The following ZNFX1 variants were observed in gnomAD, a reference collection of about 807,000 sequenced individuals.
ZNFX1 encodes zinc finger NFX1-type containing 1.
Under a neutral mutation model 179.8 loss-of-function variants are expected in ZNFX1, and 78 were observed. The ratio of observed to expected loss-of-function variants is 0.43; its 90% CI spans 0.36 to 0.52. The LOEUF is 0.52. Among genes scored for constraint, ZNFX1 ranks in the 20% least tolerant of loss-of-function variants. The pLI, the probability that ZNFX1 is intolerant of heterozygous loss-of-function variation, is 0.00. For missense variants in ZNFX1, 1,927 were observed against 2,386.6 expected, an observed-to-expected ratio of 0.81 and a Z score of 4.01; for synonymous variants, 848 against 868.5, an observed-to-expected ratio of 0.98 and a Z score of 0.42.
chr20:49,271,230 A>G lies in ZNFX1; in HGVS notation c.582T>C (p.Ala194=). ...TCTGGCGATCCATTTTGGAGCTACA[A>G]GCCTTCCGAAGAACCTGACAGATGA... ...LELICQVLRK[A]CSSKMDRQSV... Residue 194 remains alanine, a synonymous_variant, in exon 3 of 14, where the codon GCT becomes GCC. Transcript: ENST00000396105. 6.2e-7 allele frequency: 1 copy of G among 1,614,196 alleles called. No individual in the cohort carries two copies. Among genetic ancestry groups the G allele is most frequent in the South Asian group, 1.1e-5 (1 of 91,084 alleles).
In ZNFX1 at chr20:49,264,789, G is replaced by A; in HGVS notation, c.2078C>T (p.Thr693Ile). The change falls in exon 5 of 14, where the codon ACC becomes ATC. Residue 693 changes from threonine (T) to isoleucine (I), a missense_variant. Thr to Ile is a moderately conservative substitution (Grantham distance 89). Coordinates refer to ENST00000396105, the MANE Select transcript of ZNFX1 (RefSeq NM_021035.3). ...RSNSEILKQFTLRELRNKREF... is the reference protein window; with the variant it reads ...RSNSEILKQFILRELRNKREF... ...CCGCTTGTTCCTCAGCTCCCTTAGG[G>A]TGAACTGCTTCAGGATTTCACTGTT... is the stretch of plus-strand genomic sequence containing the variant. 1 of 1,614,216 alleles carries A rather than the reference G, an allele frequency of 6.2e-7. No individual in the cohort carries two copies. Among genetic ancestry groups the A allele is most frequent in the Non-Finnish European group, 8.5e-7 (1 of 1,180,030 alleles).
At chr20:49,257,352 A>T in intron 8 of ZNFX1, 65 bp downstream of exon 8, 3 of 1,595,158 alleles carry the variant, frequency 1.9e-6, no homozygotes, top group Non-Finnish European at 2.6e-6. Context: ...ACTGTATCAG[A>T]AGTGGGGGAA....
At position 49,257,565 on chromosome 20, in the gene ZNFX1, T is replaced by C; in HGVS notation, c.2516A>G (p.Glu839Gly). The change falls in exon 8 of 14, where the codon GAG (glutamate) becomes GGG (glycine). Residue 839 changes from glutamate (E) to glycine (G), a missense_variant. Glu to Gly is a moderately conservative substitution (Grantham distance 98, BLOSUM62 -2). Transcript: ENST00000396105. ...ADLIQADRVI[E>G]EEEVVRPQRR... is the part of the protein sequence containing the mutation. ...CTGGGGCCTCACCACCTCTTCCTCC[T>C]CAATCACCCGGTCTGCTTGAATCAG... is the stretch of plus-strand genomic sequence containing the variant. 2 of 1,613,930 alleles carry C rather than the reference T, an allele frequency of 1.2e-6. No homozygotes were observed. The highest frequency in any genetic ancestry group is 1.7e-6 in the Non-Finnish European group (2 of 1,180,018).
At chr20:49,275,750 C>G in intron 2 of ZNFX1, 29 bp downstream of exon 2, 1 of 1,611,150 alleles carries the variant, frequency 6.2e-7, no homozygotes, top group Non-Finnish European at 8.5e-7. Context: ...CTAGAATTTC[C>G]TTCTCATTAG....
chr20:49,270,839 C>T lies in ZNFX1; in HGVS notation c.973G>A (p.Glu325Lys), dbSNP rs1190926265. 6 of 1,614,064 alleles carry T rather than the reference C, an allele frequency of 3.7e-6. No homozygotes were observed. The highest frequency in any genetic ancestry group is 1.3e-5 in the African/African-American group (1 of 74,928). Residue 325 changes from glutamate (E) to lysine (K), a missense_variant, in exon 3 of 14, where the codon GAG becomes AAG. By Grantham distance (56) the Glu-to-Lys change is moderately conservative (BLOSUM62 1). Coordinates refer to ENST00000396105, the MANE Select transcript of ZNFX1 (RefSeq NM_021035.3). The surrounding 1 kb of genome is among the most constrained non-coding windows in gnomAD (Gnocchi z 4.6). ...TAGCTCTCAACATGGTCTTCTGCCT[C>T]AGGCTGCACTAGAGTGTAGGTATCC... Reference protein sequence around the residue: ...RVDTYTLVQPEAEDHVESYRT... With the variant: ...RVDTYTLVQPKAEDHVESYRT...
chr20:49,268,057 A>C (rs1357780691), intron 3 of ZNFX1, among the ~76,000 whole-genome samples: 1 of 151,862 alleles, frequency 6.6e-6, no homozygotes, highest in Non-Finnish European at 1.5e-5. Flanking sequence ...TATATTTTTT[A>C]GTAGAGACAG....
intron 6 of ZNFX1, among the ~76,000 whole-genome samples, chr20:49,262,694 C>A (rs1981143594): frequency 6.6e-6 from 1 of 152,234 alleles, no homozygotes; most frequent in African/African-American, 2.4e-5. Flanking sequence ...TACCATTTCA[C>A]TGGGTTCCTA....
At position 49,247,246 on chromosome 20, in the gene ZNFX1, A is replaced by C. The variant is rs779859215; in HGVS notation, c.*21T>G. On this transcript the variant is annotated 3_prime_UTR_variant, in exon 14 of 14. Transcript: ENST00000396105. ...CCAGTCATTCAGTGGCGAGGGCAAA[A>C]GGCAGTGGTGTACCATCTTCCTACA... 3.2e-6 allele frequency: 5 copies of C among 1,576,692 alleles called. No homozygotes were observed. In the South Asian group the frequency reaches 5.9e-5, roughly 19 times the overall value.
In ZNFX1 at chr20:49,263,402, G is replaced by A. The variant is rs930353879; in HGVS notation, c.2233C>T (p.Arg745Trp). Residue 745 changes from arginine to tryptophan, a missense_variant, in exon 6 of 14, where the codon CGG becomes TGG. Arg to Trp is a moderately radical substitution (Grantham distance 101). Coordinates refer to ENST00000396105, the MANE Select transcript of ZNFX1 (RefSeq NM_021035.3). ...TLECTMRGVLREQYLQKYISP... is the reference protein window; with the variant it reads ...TLECTMRGVLWEQYLQKYISP... ...ATGTACTTCTGCAGGTACTGTTCCC[G>A]TAGGACACCACGCATGGTGCACTCC... 11 of 1,613,666 alleles carry A rather than the reference G, an allele frequency of 6.8e-6. No homozygotes were observed. Among genetic ancestry groups the A allele is most frequent in the East Asian group, 2.2e-5 (1 of 44,870 alleles).
Position 49,263,415 on chromosome 20 carries a change from C to A in ZNFX1, c.2220G>T (p.Met740Ile). The A allele has an allele frequency of 2.5e-6, 4 of 1,613,184 alleles. No homozygotes were observed. Among genetic ancestry groups the A allele is most frequent in the Non-Finnish European group, 3.4e-6 (4 of 1,179,592 alleles). ...HEGAKTLECT[M>I]RGVLREQYLQ... Reference sequence around the variant, plus strand: ...GGTACTGTTCCCGTAGGACACCACGCATGGTGCACTCCAGGGTCTTGGCTC... The same window carrying A: ...GGTACTGTTCCCGTAGGACACCACGAATGGTGCACTCCAGGGTCTTGGCTC... Residue 740 changes from methionine to isoleucine, a missense_variant, in exon 6 of 14, where the codon ATG (methionine) becomes ATT (isoleucine). Met to Ile is a conservative substitution (Grantham distance 10, BLOSUM62 1). Transcript: ENST00000396105.
At position 49,251,547 on chromosome 20, in the gene ZNFX1, G is replaced by T. The variant is rs561513322; in HGVS notation, c.3292C>A (p.Leu1098Ile). ...YQDLENHPSV[L>I]KYEKIKGVSS... ...CTCACCTTAATCTTCTCATACTTAAGAACAGATGGATGATTCTCCAGATCC... is the reference window on the plus strand; with the variant it reads ...CTCACCTTAATCTTCTCATACTTAATAACAGATGGATGATTCTCCAGATCC... Residue 1098 changes from leucine (L) to isoleucine (I), a missense_variant, in exon 13 of 14, where the codon CTT becomes ATT. Leu to Ile is a conservative substitution (Grantham distance 5, BLOSUM62 2). Coordinates refer to ENST00000396105, the MANE Select transcript of ZNFX1 (RefSeq NM_021035.3). The T allele has an allele frequency of 8.0e-5, 129 of 1,612,710 alleles. 1 individual carries two copies. In the South Asian group the frequency reaches 1.4e-3, roughly 17 times the overall value.
intron 6 of ZNFX1, 123 bp from the exon 7 acceptor site, chr20:49,260,700 G>C: frequency 1.6e-6 from 1 of 644,934 alleles, no homozygotes; most frequent in South Asian, 2.2e-5. Flanking sequence ...CCAGCAATTT[G>C]GAAGGCCAAG....
intron 2 of ZNFX1, among the ~76,000 whole-genome samples, chr20:49,273,008 T>TA (rs11481007): frequency 0.67 from 101,737 of 152,088 alleles, 34,991 homozygotes; most frequent in Non-Finnish European, 0.76. Flanking sequence ...AATGATTTGA[T>TA]AAAAAAGTTG....
intron 13 of ZNFX1, among the ~76,000 whole-genome samples, chr20:49,250,343 A>G (rs190220): frequency 0.68 from 103,607 of 152,082 alleles, 36,285 homozygotes; most frequent in Non-Finnish European, 0.78. Context: ...GGATGATGAT[A>G]ATGACAGAGC....
intron 12 of ZNFX1, among the ~76,000 whole-genome samples, chr20:49,252,080 G>A (rs1039528773): frequency 3.3e-5 from 5 of 151,594 alleles, no homozygotes; most frequent in Non-Finnish European, 7.4e-5. Flanking sequence ...GGATCCGCCC[G>A]CCTTGGCCTC....
At position 49,271,066 on chromosome 20, in the gene ZNFX1, G is replaced by T. The variant is rs35781694; in HGVS notation, c.746C>A (p.Ser249Tyr). 2,448 of 1,614,186 alleles carry T rather than the reference G, an allele frequency of 1.5e-3. 30 individuals carry two copies. In the African/African-American group the frequency reaches 0.028, roughly 19 times the overall value. ...GACACTTACAAGGTCCTGGAGGAGG[G>T]AGATGATGTTGCTTATGTGCTCTGG... ...QYPEHISNII[S>Y]LLQDLVSVFP... The change falls in exon 3 of 14, where the codon TCC becomes TAC. Residue 249 changes from serine to tyrosine, a missense_variant. Physicochemically the swap from Ser to Tyr is moderately radical, Grantham distance 144 (BLOSUM62 -2). Coordinates refer to ENST00000396105, the MANE Select transcript of ZNFX1 (RefSeq NM_021035.3).
Position 49,248,840 on chromosome 20 carries a change from A to C in ZNFX1, c.4184T>G (p.Val1395Gly), listed in dbSNP as rs1980753687. Reference sequence around the variant, plus strand: ...GGTGACCATTTCTGAACACAGCTGCACACAGTCCTCACCACATGGGTGGCT... The same window carrying C: ...GGTGACCATTTCTGAACACAGCTGCCCACAGTCCTCACCACATGGGTGGCT... ...RCSHPCGEDC[V>G]QLCSEMVTIK... The change falls in exon 14 of 14, where the codon GTG (valine) becomes GGG (glycine). Residue 1395 changes from valine to glycine, a missense_variant. By Grantham distance (109) the Val-to-Gly change is moderately radical (BLOSUM62 -3). Transcript: ENST00000396105. The surrounding 1 kb of genome is among the most constrained non-coding windows in gnomAD (Gnocchi z 4.6). 3 of 1,613,420 alleles carry C rather than the reference A, an allele frequency of 1.9e-6. No homozygotes were observed. Among genetic ancestry groups the C allele is most frequent in the African/African-American group, 2.7e-5 (2 of 75,050 alleles).
chr20:49,255,241 C>A (rs1980940621), intron 9 of ZNFX1, among the ~76,000 whole-genome samples: 1 of 152,076 alleles, frequency 6.6e-6, no homozygotes, highest in South Asian at 2.1e-4. Context: ...GACGGGGTTT[C>A]ACTGTGTTAG....
intron 11 of ZNFX1, among the ~76,000 whole-genome samples, 170 bp downstream of exon 11, chr20:49,253,496 C>T (rs1762394865): frequency 6.6e-6 from 1 of 152,094 alleles, no homozygotes; most frequent in South Asian, 2.1e-4. Flanking sequence ...AAAATATACC[C>T]CAAATCTAAT....
Sources: gnomAD v4.1 joint callset for allele counts (sites outside exome capture counted in the v4.1 genomes callset) on GRCh38, gnomAD v4.1.1 for gene constraint, Gnocchi (gnomAD v3.1) non-coding constraint, MANE v1.5 for transcripts, NCBI Gene and HGNC (gene_info 2026-07-23, HGNC 2026-07-21) for gene names.